The following MTX3 variants were observed in gnomAD, a reference collection of about 807,000 sequenced individuals.
The protein encoded by MTX3 is metaxin-3.
Under a neutral mutation model 42.5 loss-of-function variants are expected in MTX3, and 27 were observed. The observed-to-expected ratio is 0.64, with a 90% CI of 0.47 to 0.88. The LOEUF is 0.88. MTX3 is among the 40% of genes least tolerant of loss of function. MTX3 has a pLI of 0.00. For synonymous variants in MTX3, 144 were observed against 132.9 expected (o/e 1.08, Z -0.57); for missense variants, 378 against 367.0 (o/e 1.03, Z -0.25).
At chr5:79,987,301 G>A (rs1199531597) in intron 6 of MTX3, among the ~76,000 whole-genome samples, 194 bp from the exon 7 acceptor site, 4 of 151,840 alleles carry the variant, frequency 2.6e-5, no homozygotes, top group African/African-American at 4.8e-5. Context: ...GAAGTCGGGC[G>A]TGGTGGTGGG....
At chr5:79,985,466 A>T (rs1228352948) in intron 8 of MTX3, 105 bp downstream of exon 8, 1 of 748,826 alleles carries the variant, frequency 1.3e-6, no homozygotes, top group African/African-American at 1.8e-5. Context: ...AACAAACTCT[A>T]TAAAAAAAAC....
chr5:79,990,868 G>A, intron 1 of MTX3: 1 of 710,186 alleles, frequency 1.4e-6, no homozygotes, highest in Non-Finnish European at 2.6e-6. Flanking sequence ...TGGGGATGCA[G>A]AGTAGGGAGG....
intron 8 of MTX3, among the ~76,000 whole-genome samples, chr5:79,984,769 C>T (rs181848775): frequency 1.3e-5 from 2 of 151,926 alleles, no homozygotes; most frequent in Admixed American, 1.3e-4. Flanking sequence ...GAAAAGAACA[C>T]CCCAAGTGGC....
At position 79,977,298 on chromosome 5, in the gene MTX3, T is replaced by A. The variant is rs943072365; in HGVS notation, c.*6386A>T. ...GTGGTCCAAAGAATAAATGGCCCCATGACCTTCTCTATGGTTCATGACTTA... is the reference window on the plus strand; with the variant it reads ...GTGGTCCAAAGAATAAATGGCCCCAAGACCTTCTCTATGGTTCATGACTTA... On this transcript the variant is annotated 3_prime_UTR_variant, in exon 9 of 9. Transcript: ENST00000512528. The A allele has an allele frequency of 6.6e-6, 1 of 152,366 alleles. No individual in the cohort carries two copies. Among genetic ancestry groups the A allele is most frequent in the East Asian group, 1.9e-4 (1 of 5,192 alleles). The allele number at this position is 152,366 out of a possible 1,614,324, so 9.4% of individuals were successfully genotyped here. A position where few individuals can be genotyped will look rare whatever the true frequency, so the allele number is the denominator to read the frequency against.
chr5:79,991,188 TG>T lies in MTX3; in HGVS notation c.50del (p.Pro17HisfsTer10), dbSNP rs1167018978. 2.7e-6 allele frequency: 4 copies of T among 1,502,214 alleles called. No homozygotes were observed. Among genetic ancestry groups the T allele is most frequent in the Non-Finnish European group, 3.6e-6 (4 of 1,119,154 alleles). 93.1% of individuals were successfully genotyped at this position (1,502,214 alleles called of 1,614,324 possible). ...LSCWGGGWGL[P>X]SVHSESLVVM... ...CCACCAGGGACTCGCTGTGAACCGA[TG>T]GGAGTCCCCAGCCGCCTCCCCAGCA... On this transcript the variant is annotated frameshift_variant, in exon 1 of 9. Coordinates refer to ENST00000512528, the MANE Select transcript of MTX3 (RefSeq NM_001363818.2). LOFTEE classifies it high-confidence loss of function.
chr5:79,990,190 T>A lies in MTX3; in HGVS notation c.198A>T (p.Pro66=). ...TTCTTAAAAAGTTTAGTATTTTTGC[T>A]GGCTGAGAAACCATGTCGTCTTCAG... ...LTTEDDMVSQ[P]AKILNFLRKQ... Residue 66 remains proline, a synonymous_variant, in exon 3 of 9, where the codon CCA becomes CCT. Transcript: ENST00000512528. 6.2e-7 allele frequency: 1 copy of A among 1,610,474 alleles called. No homozygotes were observed. The highest frequency in any genetic ancestry group is 8.5e-7 in the Non-Finnish European group (1 of 1,178,450).
In MTX3 at chr5:79,978,890, A is replaced by G. The variant is rs968446475; in HGVS notation, c.*4794T>C. 3 of 152,562 alleles carry G rather than the reference A, an allele frequency of 2.0e-5. No individual in the cohort carries two copies. Among genetic ancestry groups the G allele is most frequent in the Non-Finnish European group, 4.4e-5 (3 of 68,018 alleles). 9.5% of individuals were successfully genotyped at this position (152,562 alleles called of 1,614,324 possible). Reference sequence around the variant, plus strand: ...AAATGATTAATAAGGATACAAAGAGACTTATTTTCCTGTCTTTTGTTATTT... The same window carrying G: ...AAATGATTAATAAGGATACAAAGAGGCTTATTTTCCTGTCTTTTGTTATTT... On this transcript the variant is annotated 3_prime_UTR_variant, in exon 9 of 9. Transcript: ENST00000512528.
At chr5:79,990,279 T>C (rs370641463) in intron 2 of MTX3, 43 bp from the exon 3 acceptor site, 198 of 1,341,812 alleles carry the variant, frequency 1.5e-4, no homozygotes, top group Non-Finnish European at 2.0e-4. Context: ...ACAGTGTGAT[T>C]TCCTCTGAGA....
In MTX3 at chr5:79,987,162, G is replaced by A. The variant is rs948640821; in HGVS notation, c.582-55C>T. On this transcript the variant is annotated intron_variant, in intron 6 of 8. Coordinates refer to ENST00000512528, the MANE Select transcript of MTX3 (RefSeq NM_001363818.2). ...CATAAGACAATATTAACTGAAGGCC[G>A]GGTGTGGTGGCTCATGCCTGTAATC... The A allele has an allele frequency of 2.5e-5, 38 of 1,532,254 alleles. No homozygotes were observed. In the East Asian group the frequency reaches 4.3e-4, roughly 17 times the overall value. The allele number at this position is 1,532,254 out of a possible 1,614,324, so 94.9% of individuals were successfully genotyped here. A position where few individuals can be genotyped will look rare whatever the true frequency, so the allele number is the denominator to read the frequency against.
intron 3 of MTX3, among the ~76,000 whole-genome samples, chr5:79,989,555 G>A (rs1831578356): frequency 6.6e-6 from 1 of 152,090 alleles, no homozygotes; most frequent in African/African-American, 2.4e-5. Flanking sequence ...TAACAAGAAG[G>A]AAACAGTTCC....
rs963534228 is a variant in MTX3, at chr5:79,983,807, C to CA, written c.829-14dup. On this transcript the variant is annotated splice_polypyrimidine_tract_variant and intron_variant, in intron 8 of 8. Transcript: ENST00000512528. ...GATTGTCATCCATCTGTAGAAAGTACAAAAGATACATCTGACTAATGCTGT... is the reference window on the plus strand; with the variant it reads ...GATTGTCATCCATCTGTAGAAAGTACAAAAAGATACATCTGACTAATGCTGT... 6.4e-7 allele frequency: 1 copy of CA among 1,568,674 alleles called. No homozygotes were observed. The highest frequency in any genetic ancestry group is 8.8e-7 in the Non-Finnish European group (1 of 1,139,806).
At chr5:79,990,324 AT>A in intron 2 of MTX3, 88 bp from the exon 3 acceptor site, 1 of 890,978 alleles carries the variant, frequency 1.1e-6, no homozygotes, top group Non-Finnish European at 1.7e-6. Flanking sequence ...GCAGTTGCAC[AT>A]TTAGAGGGGA....
chr5:79,983,890 GA>G, intron 8 of MTX3, 96 bp from the exon 9 acceptor site: 1 of 735,816 alleles, frequency 1.4e-6, no homozygotes, highest in Non-Finnish European at 2.3e-6. Context: ...GAAGAGTACA[GA>G]ACCATATGTT....
At chr5:79,988,052 G>A (rs1207924663) in intron 6 of MTX3, among the ~76,000 whole-genome samples, 187 bp downstream of exon 6, 6 of 152,074 alleles carry the variant, frequency 3.9e-5, no homozygotes, top group South Asian at 4.2e-4. Context: ...TCTGGCCTCG[G>A]GTGATCTGCC....
chr5:79,984,273 G>A (rs1831440274), intron 8 of MTX3, among the ~76,000 whole-genome samples: 1 of 152,184 alleles, frequency 6.6e-6, no homozygotes, highest in African/African-American at 2.4e-5. Context: ...CACGTCACAA[G>A]CTAGTATGAG....
intron 3 of MTX3, 75 bp downstream of exon 3, chr5:79,990,084 AT>A (rs746310052): frequency 3.2e-5 from 28 of 887,020 alleles, no homozygotes; most frequent in Non-Finnish European, 4.3e-5. Flanking sequence ...GCAAAAAAAA[AT>A]AAATAAATAA....
At chr5:79,988,359 TAA>T in intron 5 of MTX3, 44 bp from the exon 6 acceptor site, 1 of 1,502,156 alleles carries the variant, frequency 6.7e-7, no homozygotes, top group Non-Finnish European at 9.1e-7. Context: ...AAAGATACTC[TAA>T]AACTACTTTT....
chr5:79,990,553 A>C (rs1831618744), intron 2 of MTX3, 41 bp downstream of exon 2: 1 of 1,302,280 alleles, frequency 7.7e-7, no homozygotes. Context: ...AAGAAGAAAA[A>C]AAAGAGTGCA....
rs1278339768 is a variant in MTX3 at position 79,977,370 on chromosome 5, A to G, written c.*6314T>C. The stretch of plus-strand genomic sequence containing the variant: ...GGCAAGTTATTTTTCATGATTTCCA[A>G]GGATCTGGGATATGTAAACGAAATG... On this transcript the variant is annotated 3_prime_UTR_variant, in exon 9 of 9. Coordinates refer to ENST00000512528, the MANE Select transcript of MTX3 (RefSeq NM_001363818.2). The G allele has an allele frequency of 6.6e-6, 1 of 152,218 alleles. No homozygotes were observed. Among genetic ancestry groups the G allele is most frequent in the Non-Finnish European group, 1.5e-5 (1 of 68,046 alleles). The allele number at this position is 152,218 out of a possible 1,614,324, so 9.4% of individuals were successfully genotyped here. A position where few individuals can be genotyped will look rare whatever the true frequency, so the allele number is the denominator to read the frequency against.
Sources: allele counts gnomAD v4.1 joint callset (sites outside exome capture counted in the v4.1 genomes callset), GRCh38; gene constraint gnomAD v4.1.1; transcripts MANE v1.5; gene names NCBI Gene and HGNC (gene_info 2026-07-23, HGNC 2026-07-21).